ITGAL: variants seen among roughly 807,000 people sequenced by gnomAD.
The protein encoded by ITGAL is integrin alpha-L.
In ITGAL, 68 loss-of-function variants were observed where a neutral mutation model predicts 138.4. The observed-to-expected ratio is 0.49, with a 90% CI of 0.40 to 0.60. The LOEUF (loss-of-function observed/expected upper bound fraction) is 0.60. Among genes scored for constraint, ITGAL ranks in the 20% least tolerant of loss-of-function variants. The probability of loss-of-function intolerance (pLI) is 0.00; values close to 1 mark genes in which losing one functional copy is unlikely to be tolerated. For missense variants in ITGAL, 1,256 were observed against 1,478.6 expected (o/e 0.85, Z 2.47); for synonymous variants, 561 against 584.3 (o/e 0.96, Z 0.57).
chr16:30,476,313 A>G (rs905868100), intron 4 of ITGAL, among the ~76,000 whole-genome samples: 1 of 151,984 alleles, frequency 6.6e-6, no homozygotes, highest in Non-Finnish European at 1.5e-5. Flanking sequence ...GGTGTGAGCC[A>G]CCACACCCAG....
chr16:30,481,691 G>A, intron 7 of ITGAL, 107 bp downstream of exon 7: 2 of 947,998 alleles, frequency 2.1e-6, no homozygotes, highest in Non-Finnish European at 1.6e-6. Flanking sequence ...ACAGCAAGGG[G>A]CAGTTTATTG....
Position 30,475,290 on chromosome 16 carries a change from T to A in ITGAL, c.165-16T>A. On this transcript the variant is annotated splice_polypyrimidine_tract_variant and intron_variant, in intron 2 of 30. Coordinates refer to ENST00000356798, the MANE Select transcript of ITGAL (RefSeq NM_002209.3). ...GATCTGGGCCACTCCCTCTCACAGGTGAGATTTCTCACCAGGGTCATCGTG... is the reference window on the plus strand; with the variant it reads ...GATCTGGGCCACTCCCTCTCACAGGAGAGATTTCTCACCAGGGTCATCGTG... 1.9e-6 allele frequency: 3 copies of A among 1,591,812 alleles called. No individual in the cohort carries two copies. Among genetic ancestry groups the A allele is most frequent in the Non-Finnish European group, 2.6e-6 (3 of 1,161,030 alleles).
rs201731849 is a variant in ITGAL, at chr16:30,494,239, G to A, written c.1241G>A (p.Arg414Gln). 153 of 1,611,236 alleles carry A rather than the reference G, an allele frequency of 9.5e-5. No homozygotes were observed. Among genetic ancestry groups the A allele is most frequent in the Middle Eastern group, 1.7e-4 (1 of 6,056 alleles). The change falls in exon 12 of 31, where the codon CGG becomes CAG. Residue 414 changes from arginine to glutamine, a missense_variant. By Grantham distance (43) the Arg-to-Gln change is conservative. Coordinates refer to ENST00000356798, the MANE Select transcript of ITGAL (RefSeq NM_002209.3). This position sits in a 1 kb window ranked among gnomAD's most constrained non-coding sequence, Gnocchi z 4.2. Reference sequence around the variant, plus strand: ...TACACCGTGACCTGGCTGCCCTCCCGGCAAAAGACTTCGTTGCTGGCCTCG... The same window carrying A: ...TACACCGTGACCTGGCTGCCCTCCCAGCAAAAGACTTCGTTGCTGGCCTCG... ...LGYTVTWLPS[R>Q]QKTSLLASGA...
chr16:30,499,084 G>A lies in ITGAL; in HGVS notation c.1843G>A (p.Val615Met), dbSNP rs142666403. ...SQMIVLSSRP[V>M]VDMVTLMSFS... ...CCTTCTGCCCTGCAGCTCCCGGCCC[G>A]TGGTGGATATGGTCACCCTGATGTC... is the stretch of plus-strand genomic sequence containing the variant. Residue 615 changes from valine to methionine, a missense_variant, in exon 16 of 31, where the codon GTG (valine) becomes ATG (methionine). Physicochemically the swap from Val to Met is conservative, Grantham distance 21 (BLOSUM62 1). Around this residue, in one of 3 missense-constraint regions of ITGAL, gnomAD observed 867 missense variants for 972.5 expected, o/e 0.89. Coordinates refer to ENST00000356798, the MANE Select transcript of ITGAL (RefSeq NM_002209.3). 5.1e-5 allele frequency: 82 copies of A among 1,613,948 alleles called. No homozygotes were observed. In the African/African-American group the frequency reaches 7.6e-4, roughly 15 times the overall value.
In ITGAL at chr16:30,481,420, T is replaced by C. The variant is rs1252060330; in HGVS notation, c.577-19T>C. 3 of 1,600,186 alleles carry C rather than the reference T, an allele frequency of 1.9e-6. No homozygotes were observed. Among genetic ancestry groups the C allele is most frequent in the Non-Finnish European group, 2.6e-6 (3 of 1,170,606 alleles). On this transcript the variant is annotated intron_variant, in intron 6 of 30. Transcript: ENST00000356798. ...AAAGGGATATATAACTGAATGTCATTTCTTCCTTCCTTTTCTAGTTTGCTG... is the reference window on the plus strand; with the variant it reads ...AAAGGGATATATAACTGAATGTCATCTCTTCCTTCCTTTTCTAGTTTGCTG...
intron 29 of ITGAL, among the ~76,000 whole-genome samples, chr16:30,519,160 T>C (rs1000217833): frequency 4.6e-5 from 7 of 151,534 alleles, no homozygotes; most frequent in Non-Finnish European, 1.0e-4. Context: ...GAGGCAGAGG[T>C]GGCAGTGAGC....
rs2051175768 is a variant in ITGAL at position 30,516,977 on chromosome 16, G to A, written c.2867G>A (p.Arg956Lys). Residue 956 changes from arginine to lysine, a missense_variant, in exon 26 of 31, where the codon AGG becomes AAG. Coordinates refer to ENST00000356798, the MANE Select transcript of ITGAL (RefSeq NM_002209.3). ...IHQVKHMYQV[R>K]IQPSIHDHNI... The stretch of plus-strand genomic sequence containing the variant: ...ATCCCTTGTCCTCTGTGCCAGGTGA[G>A]GATCCAGCCTTCCATCCACGACCAC... 3 of 1,611,512 alleles carry A rather than the reference G, an allele frequency of 1.9e-6. No individual in the cohort carries two copies. The highest frequency in any genetic ancestry group is 2.5e-6 in the Non-Finnish European group (3 of 1,177,806).
rs1366813927 is a variant in ITGAL at position 30,505,443 on chromosome 16, G to T, written c.2347G>T (p.Val783Leu). The change falls in exon 20 of 31, where the codon GTG becomes TTG. Residue 783 changes from valine to leucine, a missense_variant. Physicochemically the swap from Val to Leu is conservative, Grantham distance 32. Around this residue, in one of 3 missense-constraint regions of ITGAL, gnomAD observed 867 missense variants for 972.5 expected, o/e 0.89. Coordinates refer to ENST00000356798, the MANE Select transcript of ITGAL (RefSeq NM_002209.3). Reference sequence around the variant, plus strand: ...CAAGAAGTGTGAGGCAAACTTGAGAGTGTCCTTCTCTCCTGCAAGGTCAGT... The same window carrying T: ...CAAGAAGTGTGAGGCAAACTTGAGATTGTCCTTCTCTCCTGCAAGGTCAGT... Reference protein sequence around the residue: ...EDKKCEANLRVSFSPARSRAL... With the variant: ...EDKKCEANLRLSFSPARSRAL... 2.5e-6 allele frequency: 4 copies of T among 1,613,772 alleles called. No homozygotes were observed. The highest frequency in any genetic ancestry group is 3.4e-6 in the Non-Finnish European group (4 of 1,179,966).
chr16:30,518,759 G>T, intron 29 of ITGAL, 40 bp downstream of exon 29: 1 of 1,496,126 alleles, frequency 6.7e-7, no homozygotes, highest in Non-Finnish European at 9.3e-7. Context: ...ACAGGCAACA[G>T]AGGGAGCCCA....
intron 2 of ITGAL, 110 bp downstream of exon 2, chr16:30,474,408 T>C: frequency 1.4e-6 from 1 of 706,372 alleles, no homozygotes; most frequent in East Asian, 2.7e-5. Context: ...ACGAGGCAGC[T>C]CTCCAGGGGT....
chr16:30,504,381 G>A (rs2050951862), intron 18 of ITGAL, 117 bp downstream of exon 18: 2 of 765,330 alleles, frequency 2.6e-6, no homozygotes, highest in Non-Finnish European at 2.3e-6. Context: ...GGAGGCTGAA[G>A]TGGGTGGATC....
intron 9 of ITGAL, among the ~76,000 whole-genome samples, chr16:30,484,644 C>T (rs183477969): frequency 2.5e-4 from 38 of 151,468 alleles, no homozygotes; most frequent in Non-Finnish European, 2.9e-4. Context: ...AATGGCCGGA[C>T]GCGGTGGCTC....
Position 30,494,992 on chromosome 16 carries a change from T to C in ITGAL, c.1503+142T>C. 1 of 848,760 alleles carries C rather than the reference T, an allele frequency of 1.2e-6. No homozygotes were observed. The highest frequency in any genetic ancestry group is 2.0e-5 in the South Asian group (1 of 49,452). 52.6% of individuals were successfully genotyped at this position (848,760 alleles called of 1,614,324 possible). On this transcript the variant is annotated intron_variant, in intron 13 of 30. Transcript: ENST00000356798. The surrounding 1 kb of genome is among the most constrained non-coding windows in gnomAD (Gnocchi z 4.2). ...CAGAGAGGCAATAGCAAATCCTCAC[T>C]GGGGAAAGACTGTATGCAGGGTCCA...
chr16:30,494,596 C>A lies in ITGAL; in HGVS notation c.1366-117C>A. The A allele has an allele frequency of 7.6e-7, 1 of 1,314,776 alleles. No individual in the cohort carries two copies. The highest frequency in any genetic ancestry group is 1.0e-6 in the Non-Finnish European group (1 of 973,822). The allele number at this position is 1,314,776 out of a possible 1,614,324, so 81.4% of individuals were successfully genotyped here. A position where few individuals can be genotyped will look rare whatever the true frequency, so the allele number is the denominator to read the frequency against. Reference sequence around the variant, plus strand: ...TAACGCACATAGACTAGGGGTGGATCCAAGATTGGAACCTGCATTTGAGGG... The same window carrying A: ...TAACGCACATAGACTAGGGGTGGATACAAGATTGGAACCTGCATTTGAGGG... On this transcript the variant is annotated intron_variant, in intron 12 of 30. Transcript: ENST00000356798. This position sits in a 1 kb window ranked among gnomAD's most constrained non-coding sequence, Gnocchi z 4.2.
At chr16:30,481,285 G>A (rs1356079442) in intron 6 of ITGAL, 154 bp from the exon 7 acceptor site, 5 of 597,632 alleles carry the variant, frequency 8.4e-6, no homozygotes, top group Non-Finnish European at 1.1e-5. Flanking sequence ...GGCAGAGGTT[G>A]CAGTGAGCCA....
chr16:30,474,479 G>C lies in ITGAL; in HGVS notation c.164+181G>C, dbSNP rs74015008. The C allele has an allele frequency of 1.6e-3, 938 of 592,414 alleles. 5 individuals carry two copies. In the African/African-American group the frequency reaches 0.016, roughly 10 times the overall value. The allele number at this position is 592,414 out of a possible 1,614,324, so 36.7% of individuals were successfully genotyped here. A position where few individuals can be genotyped will look rare whatever the true frequency, so the allele number is the denominator to read the frequency against. ...AGACAGGAGTGAGGGATCAAAAAGC[G>C]GGATACACGCGATCAGGGAGGCCAT... On this transcript the variant is annotated intron_variant, in intron 2 of 30. Coordinates refer to ENST00000356798, the MANE Select transcript of ITGAL (RefSeq NM_002209.3).
intron 9 of ITGAL, 131 bp from the exon 10 acceptor site, chr16:30,488,951 C>A: frequency 4.0e-6 from 3 of 748,390 alleles, no homozygotes; most frequent in Non-Finnish European, 7.1e-6. Context: ...CCTGGGTCTG[C>A]CTGACCCTCA....
Position 30,499,107 on chromosome 16 carries a change from G to A in ITGAL, c.1866G>A (p.Met622Ile). 1 of 1,614,140 alleles carries A rather than the reference G, an allele frequency of 6.2e-7. No individual in the cohort carries two copies. The highest frequency in any genetic ancestry group is 8.5e-7 in the Non-Finnish European group (1 of 1,180,020). ...SRPVVDMVTL[M>I]SFSPAEIPVH... is the part of the protein sequence containing the mutation. Reference sequence around the variant, plus strand: ...CCGTGGTGGATATGGTCACCCTGATGTCCTTCTCTCCAGCTGAGATCCCAG... The same window carrying A: ...CCGTGGTGGATATGGTCACCCTGATATCCTTCTCTCCAGCTGAGATCCCAG... The change falls in exon 16 of 31, where the codon ATG (methionine) becomes ATA (isoleucine). Residue 622 changes from methionine (M) to isoleucine (I), a missense_variant. This residue lies in a region of ITGAL where 867 missense variants were observed against 972.5 expected (regional missense o/e 0.89). Coordinates refer to ENST00000356798, the MANE Select transcript of ITGAL (RefSeq NM_002209.3).
chr16:30,494,564 C>T lies in ITGAL; in HGVS notation c.1366-149C>T. On this transcript the variant is annotated intron_variant, in intron 12 of 30. Transcript: ENST00000356798. This position sits in a 1 kb window ranked among gnomAD's most constrained non-coding sequence, Gnocchi z 4.2. ...AGAAACTGAACCTCAAAGAGCCCAC[C>T]TTGTCTTAACGCACATAGACTAGGG... 8.8e-7 allele frequency: 1 copy of T among 1,140,148 alleles called. No individual in the cohort carries two copies. The highest frequency in any genetic ancestry group is 1.2e-6 in the Non-Finnish European group (1 of 824,404). 70.6% of individuals were successfully genotyped at this position (1,140,148 alleles called of 1,614,324 possible). A position where few individuals can be genotyped will look rare whatever the true frequency, so the allele number is the denominator to read the frequency against.
Sources: gnomAD v4.1 joint callset for allele counts (sites outside exome capture counted in the v4.1 genomes callset) on GRCh38, gnomAD v4.1.1 for gene constraint, gnomAD v4.1.1 regional missense constraint, Gnocchi (gnomAD v3.1) non-coding constraint, MANE v1.5 for transcripts, NCBI Gene and HGNC (gene_info 2026-07-23, HGNC 2026-07-21) for gene names.